SHOC2: variants seen among roughly 807,000 people sequenced by gnomAD.
The protein encoded by SHOC2 is SHOC2 leucine rich repeat scaffold protein, also known as leucine-rich repeat protein SHOC-2.
A neutral mutation model predicts 50.2 loss-of-function variants in SHOC2; 4 were observed. The observed-to-expected ratio is 0.08, with a 90% confidence interval of 0.04 to 0.18. The LOEUF is 0.18. Ranked by LOEUF, SHOC2 falls within the 10% of genes least tolerant of loss-of-function variation. The pLI is 1.00. For missense variants in SHOC2, 388 were observed against 669.6 expected (o/e 0.58, Z 4.64); for synonymous variants, 218 against 244.5 (o/e 0.89, Z 1.01).
intron 3 of SHOC2, chr10:110,986,020 T>C: frequency 2.7e-6 from 1 of 375,430 alleles, no homozygotes; most frequent in Non-Finnish European, 4.9e-6. Context: ...TATTCTGTCA[T>C]AGTTTGAATT....
intron 1 of SHOC2, among the ~76,000 whole-genome samples, chr10:110,937,680 A>G (rs1340851262): frequency 6.6e-6 from 1 of 152,236 alleles, no homozygotes; most frequent in Admixed American, 6.5e-5. Flanking sequence ...TTTAAGGGAT[A>G]AAGTATGGGC....
chr10:110,948,891 A>G (rs912007816), intron 1 of SHOC2, among the ~76,000 whole-genome samples: 1 of 152,212 alleles, frequency 6.6e-6, no homozygotes, highest in South Asian at 2.1e-4. Context: ...CCCAATACAG[A>G]CTTGTAAACT....
chr10:110,972,201 ATACTT>A (rs1847796033), intron 2 of SHOC2, among the ~76,000 whole-genome samples: 1 of 151,462 alleles, frequency 6.6e-6, no homozygotes, highest in Non-Finnish European at 1.5e-5. Flanking sequence ...TTAGTATTAT[ATACTT>A]TATTTTAGTA....
At chr10:110,958,033 T>A (rs962864353) in intron 1 of SHOC2, among the ~76,000 whole-genome samples, 1 of 152,128 alleles carries the variant, frequency 6.6e-6, no homozygotes, top group African/African-American at 2.4e-5. Flanking sequence ...ATTTTTTAAT[T>A]GAAAGGAAAA....
In SHOC2 at chr10:111,012,844, T is replaced by C. The variant is rs1848592632; in HGVS notation, c.*1026T>C. On this transcript the variant is annotated 3_prime_UTR_variant, in exon 9 of 9. Transcript: ENST00000369452. ...CTGCAATGTATGTATGTTTCAAGGT[T>C]ATTTAACAGTGTACTATGGTTTTAT... 6.5e-6 allele frequency: 1 copy of C among 152,678 alleles called. No individual in the cohort carries two copies. The highest frequency in any genetic ancestry group is 1.5e-5 in the Non-Finnish European group (1 of 68,028). 9.5% of individuals were successfully genotyped at this position (152,678 alleles called of 1,614,324 possible).
chr10:110,957,461 C>T (rs905132585), intron 1 of SHOC2, among the ~76,000 whole-genome samples: 5 of 151,804 alleles, frequency 3.3e-5, no homozygotes, highest in African/African-American at 1.2e-4. Flanking sequence ...TGTATAATGC[C>T]GCATGTATAT....
intron 2 of SHOC2, among the ~76,000 whole-genome samples, chr10:110,979,043 C>T (rs937926967): frequency 8.5e-5 from 13 of 152,212 alleles, no homozygotes; most frequent in African/African-American, 2.9e-4. Flanking sequence ...TTTTGGGTAT[C>T]AGGCACAACT....
intron 3 of SHOC2, chr10:110,988,823 T>C (rs1439949721): frequency 2.3e-6 from 1 of 426,872 alleles, no homozygotes; most frequent in Non-Finnish European, 4.6e-6. Flanking sequence ...AAATTTCCCC[T>C]TAAGTACTGC....
intron 1 of SHOC2, among the ~76,000 whole-genome samples, chr10:110,943,257 C>CTTTTTTTTTTTTTT (rs544078658): frequency 7.0e-6 from 1 of 143,196 alleles, no homozygotes; most frequent in Non-Finnish European, 1.5e-5. Flanking sequence ...TTTCTTTATT[C>CTTTTTTTTTTTTTT]TTTTTTTTTT....
intron 1 of SHOC2, among the ~76,000 whole-genome samples, chr10:110,935,402 T>G (rs1314971734): frequency 6.6e-6 from 1 of 152,238 alleles, no homozygotes; most frequent in African/African-American, 2.4e-5. Context: ...TTTTATTAAC[T>G]ACATAATATT....
At chr10:110,958,699 A>G (rs1847515400) in intron 1 of SHOC2, among the ~76,000 whole-genome samples, 1 of 152,064 alleles carries the variant, frequency 6.6e-6, no homozygotes, top group East Asian at 1.9e-4. Flanking sequence ...GAATCTAAGT[A>G]TAAATTTGTT....
chr10:110,948,547 A>T (rs921075268), intron 1 of SHOC2, among the ~76,000 whole-genome samples: 1 of 152,222 alleles, frequency 6.6e-6, no homozygotes, highest in Non-Finnish European at 1.5e-5. Context: ...TTGTAAGCAT[A>T]AGAGTATGAA....
intron 1 of SHOC2, chr10:110,920,162 G>GCCCCCTC (rs1846597439): frequency 6.6e-6 from 1 of 152,218 alleles, no homozygotes; most frequent in South Asian, 2.1e-4. Flanking sequence ...GTCTCTTCTC[G>GCCCCCTC]CCCCCTCCCT....
intron 2 of SHOC2, among the ~76,000 whole-genome samples, chr10:110,980,558 T>C (rs1847957440): frequency 6.6e-6 from 1 of 152,202 alleles, no homozygotes. Flanking sequence ...CTCTGTGTTT[T>C]TTATTTGTCT....
At chr10:110,919,701 C>T (rs2061473950) in intron 1 of SHOC2, 44 bp downstream of exon 1, 1 of 397,868 alleles carries the variant, frequency 2.5e-6, no homozygotes, top group Admixed American at 4.4e-5. Context: ...TTGGTCGGTT[C>T]TTCCTGCCTG....
chr10:110,937,563 A>G (rs951630223), intron 1 of SHOC2, among the ~76,000 whole-genome samples: 1 of 152,032 alleles, frequency 6.6e-6, no homozygotes, highest in African/African-American at 2.4e-5. Context: ...CTCCTCTCCT[A>G]GTTGTTTTCA....
rs1354828974 is a variant in SHOC2, at chr10:110,961,113, A to G, written c.-234-3012A>G. Among the ~76,000 whole-genome samples the G allele has an allele frequency of 2.0e-5, 3 of 152,168 alleles. No individual in the cohort carries two copies. The East Asian group carries it at 5.8e-4, about 29-fold the overall frequency. On this transcript the variant is annotated intron_variant, in intron 1 of 8. Coordinates refer to ENST00000369452, the MANE Select transcript of SHOC2 (RefSeq NM_007373.4). ...CCTCTGGGGTAGTAAAGATCCCTGT[A>G]TAAAAACCTCCTTGCCAGCCTCAGC...
intron 1 of SHOC2, among the ~76,000 whole-genome samples, chr10:110,932,820 A>G (rs79657440): frequency 0.011 from 1,640 of 152,326 alleles, 15 homozygotes; most frequent in Non-Finnish European, 0.016. Context: ...TGCACCTTGC[A>G]AAGTGCAAGG....
chr10:110,941,779 A>G (rs867010399), intron 1 of SHOC2, among the ~76,000 whole-genome samples: 26 of 152,088 alleles, frequency 1.7e-4, no homozygotes, highest in Non-Finnish European at 2.9e-4. Flanking sequence ...GATGAAGTGC[A>G]GTGTATTGAT....
Sources: gnomAD v4.1 joint callset for allele counts (sites outside exome capture counted in the v4.1 genomes callset) on GRCh38, gnomAD v4.1.1 for gene constraint, MANE v1.5 for transcripts, NCBI Gene and HGNC (gene_info 2026-07-23, HGNC 2026-07-21) for gene names.